Variants in WNT3 observed in about 807,000 individuals in gnomAD.
WNT3 encodes Wnt family member 3, also known as proto-oncogene Wnt-3.
Under a neutral mutation model 34.2 loss-of-function variants are expected in WNT3, and 7 were observed. The observed-to-expected ratio is 0.20, with a 90% CI of 0.12 to 0.38. The LOEUF (loss-of-function observed/expected upper bound fraction) is 0.38, where lower values mean the gene tolerates loss of function less well. WNT3 is among the 10% of genes least tolerant of loss of function. The pLI is 1.00. For synonymous variants in WNT3, 212 were observed against 211.5 expected (o/e 1.00, Z -0.02); for missense variants, 267 against 499.8 (o/e 0.53, Z 4.44).
chr17:46,785,340 G>A (rs1032949596), intron 1 of WNT3, among the ~76,000 whole-genome samples: 6 of 152,208 alleles, frequency 3.9e-5, no homozygotes, highest in African/African-American at 1.2e-4. Context: ...TAATGTCACC[G>A]TGAGTGCAGC....
chr17:46,807,351 G>A (rs1229987871), intron 1 of WNT3, among the ~76,000 whole-genome samples: 9 of 152,250 alleles, frequency 5.9e-5, no homozygotes, highest in South Asian at 2.1e-4. Context: ...GTGTGGTGGC[G>A]CATGCCTATA....
At chr17:46,784,799 G>GCT (rs2059488804) in intron 1 of WNT3, among the ~76,000 whole-genome samples, 2 of 142,304 alleles carry the variant, frequency 1.4e-5, no homozygotes, top group Non-Finnish European at 3.0e-5. Context: ...TTTTTGAGAT[G>GCT]GAGTCTCGCT....
At position 46,770,044 on chromosome 17, in the gene WNT3, G is replaced by A; in HGVS notation, c.327C>T (p.Thr109=). The change falls in exon 3 of 5, where the codon ACC becomes ACT. Residue 109 remains threonine (T), a synonymous_variant. Coordinates refer to ENST00000225512, the MANE Select transcript of WNT3 (RefSeq NM_030753.5). ...AIFGPVLDKA[T]RESAFVHAIA... ...TGGCGTGAACGAAGGCCGACTCGCGGGTGGCTGCGGGGAGGTCGTGGGGAG... is the reference window on the plus strand; with the variant it reads ...TGGCGTGAACGAAGGCCGACTCGCGAGTGGCTGCGGGGAGGTCGTGGGGAG... 1 of 1,546,146 alleles carries A rather than the reference G, an allele frequency of 6.5e-7. No individual in the cohort carries two copies. The highest frequency in any genetic ancestry group is 8.7e-7 in the Non-Finnish European group (1 of 1,145,820).
intron 1 of WNT3, among the ~76,000 whole-genome samples, chr17:46,811,319 T>C (rs769692206): frequency 4.6e-5 from 7 of 152,076 alleles, no homozygotes; most frequent in Non-Finnish European, 8.8e-5. Context: ...TCAGCAGGTA[T>C]GGAAACAGAA....
rs200319318 is a variant in WNT3, at chr17:46,768,473, G to A, written c.915C>T (p.His305=). The A allele has an allele frequency of 3.5e-5, 57 of 1,614,060 alleles. No individual in the cohort carries two copies. In the African/African-American group the frequency reaches 5.3e-4, roughly 15 times the overall value. ...AGAGCAGATCGCAGCCATCGATGCCGTGGGAGGTGACATTGCAAGTCCGGT... is the reference window on the plus strand; with the variant it reads ...AGAGCAGATCGCAGCCATCGATGCCATGGGAGGTGACATTGCAAGTCCGGT... ...TRDRTCNVTS[H]GIDGCDLLCC... Residue 305 remains histidine, a synonymous_variant, in exon 4 of 5, where the codon CAC becomes CAT. Transcript: ENST00000225512. This position sits in a 1 kb window ranked among gnomAD's most constrained non-coding sequence, Gnocchi z 5.0.
chr17:46,784,847 G>C (rs1202794652), intron 1 of WNT3, among the ~76,000 whole-genome samples: 20 of 150,190 alleles, frequency 1.3e-4, no homozygotes, highest in South Asian at 2.1e-4. Context: ...GCGATCTCGG[G>C]TCACTGCAAG....
At chr17:46,796,279 A>G (rs964793478) in intron 1 of WNT3, among the ~76,000 whole-genome samples, 12 of 152,392 alleles carry the variant, frequency 7.9e-5, no homozygotes, top group Non-Finnish European at 1.8e-4. Context: ...TAGTAGGTGC[A>G]CAATAAATGT....
chr17:46,803,776 C>A (rs2084157105), intron 1 of WNT3, among the ~76,000 whole-genome samples: 1 of 152,226 alleles, frequency 6.6e-6, no homozygotes, highest in Admixed American at 6.5e-5. Flanking sequence ...TGGCCACAGG[C>A]AGTGTGGCCT....
At chr17:46,814,181 C>T (rs1337619474) in intron 1 of WNT3, among the ~76,000 whole-genome samples, 1 of 152,176 alleles carries the variant, frequency 6.6e-6, no homozygotes, top group Non-Finnish European at 1.5e-5. Context: ...ACCCATCTCT[C>T]ACCTCTTGGC....
intron 1 of WNT3, 61 bp downstream of exon 1, chr17:46,818,457 C>T: frequency 1.3e-6 from 2 of 1,540,006 alleles, no homozygotes; most frequent in Non-Finnish European, 8.8e-7. Flanking sequence ...AGCCGGCGCC[C>T]CCACCTTCCC....
At chr17:46,779,967 C>G (rs1439653049) in intron 1 of WNT3, among the ~76,000 whole-genome samples, 5 of 152,160 alleles carry the variant, frequency 3.3e-5, no homozygotes, top group African/African-American at 1.2e-4. Flanking sequence ...CAATATTGGC[C>G]AGGCTGGTCT....
rs1469445476 is a variant in WNT3, at chr17:46,816,433, T to C, written c.80+2085A>G. On this transcript the variant is annotated intron_variant, in intron 1 of 4. Coordinates refer to ENST00000225512, the MANE Select transcript of WNT3 (RefSeq NM_030753.5). ...ACTTTTGCACACAGAGACACACTGG[T>C]GTATAGAAAACACCTCTTAGGGTCA... 2.1e-5 allele frequency among the ~76,000 whole-genome samples: 3 copies of C among 146,022 alleles called. No homozygotes were observed. The East Asian group carries it at 6.4e-4, about 31-fold the overall frequency.
intron 1 of WNT3, among the ~76,000 whole-genome samples, chr17:46,802,099 C>G (rs1014400226): frequency 1.3e-5 from 2 of 152,182 alleles, no homozygotes; most frequent in Non-Finnish European, 2.9e-5. Flanking sequence ...ATTTGGTCTT[C>G]GACCTAGTTT....
Position 46,779,740 on chromosome 17 carries a change from G to A in WNT3, c.81-5831C>T, listed in dbSNP as rs558286749. ...GAGGGCTGCAGGAGGCCTGCATGGT[G>A]AGCACAAGGCAGAGAGGACCTTTTT... On this transcript the variant is annotated intron_variant, in intron 1 of 4. Transcript: ENST00000225512. Among the ~76,000 whole-genome samples the A allele has an allele frequency of 7.6e-4, 113 of 149,050 alleles. 2 individuals are homozygous for A. The highest frequency in any genetic ancestry group is 5.5e-4 in the Non-Finnish European group (37 of 67,478).
At chr17:46,789,722 G>A (rs904684520) in intron 1 of WNT3, among the ~76,000 whole-genome samples, 4 of 152,230 alleles carry the variant, frequency 2.6e-5, no homozygotes, top group African/African-American at 9.6e-5. Context: ...TGGGCACTTT[G>A]AGGCCACAGT....
At chr17:46,785,063 C>T (rs2059492670) in intron 1 of WNT3, among the ~76,000 whole-genome samples, 2 of 152,178 alleles carry the variant, frequency 1.3e-5, no homozygotes, top group African/African-American at 4.8e-5. Context: ...AGGCGTGAGC[C>T]ACCGTGCCCG....
intron 1 of WNT3, among the ~76,000 whole-genome samples, chr17:46,792,474 C>A (rs1263583914): frequency 1.3e-5 from 2 of 152,010 alleles, no homozygotes; most frequent in Non-Finnish European, 2.9e-5. Flanking sequence ...CTCAGAGTGG[C>A]CATTTTATTA....
Position 46,773,865 on chromosome 17 carries a change from G to C in WNT3, c.125C>G (p.Pro42Arg). Residue 42 changes from proline (P) to arginine (R), a missense_variant, in exon 2 of 5, where the codon CCC becomes CGC. Around this residue, in one of 3 missense-constraint regions of WNT3, gnomAD observed 181 missense variants for 391.3 expected, o/e 0.46. Transcript: ENST00000225512. ...GQQYTSLGSQ[P>R]LLCGSIPGLV... Reference sequence around the variant, plus strand: ...GCCTGGGATGGAGCCGCAGAGCAGGGGCTGTGAGCCCAGAGATGTGTACTG... The same window carrying C: ...GCCTGGGATGGAGCCGCAGAGCAGGCGCTGTGAGCCCAGAGATGTGTACTG... 3 of 1,612,820 alleles carry C rather than the reference G, an allele frequency of 1.9e-6. No homozygotes were observed. The highest frequency in any genetic ancestry group is 2.2e-5 in the South Asian group (2 of 91,040).
At chr17:46,777,233 A>T (rs1336840198) in intron 1 of WNT3, among the ~76,000 whole-genome samples, 5 of 152,224 alleles carry the variant, frequency 3.3e-5, no homozygotes, top group Admixed American at 3.3e-4. Context: ...AAAAAGAAAA[A>T]GCAGAGGCCG....
Sources: allele counts gnomAD v4.1 joint callset (sites outside exome capture counted in the v4.1 genomes callset), GRCh38; gene constraint gnomAD v4.1.1; regional missense constraint gnomAD v4.1.1; non-coding constraint Gnocchi (gnomAD v3.1); transcripts MANE v1.5; gene names NCBI Gene and HGNC (gene_info 2026-07-23, HGNC 2026-07-21).